Variants in ALS2 observed in about 807,000 individuals in gnomAD.
ALS2 encodes the protein alsin.
In ALS2, 117 loss-of-function variants were observed where a neutral mutation model predicts 203.4. The ratio of observed to expected loss-of-function variants is 0.58; its 90% CI spans 0.50 to 0.67. ALS2 has a LOEUF of 0.67. ALS2 is among the 30% of genes least tolerant of loss of function. ALS2 has a pLI of 0.00. For missense variants in ALS2, 1,715 were observed against 1,989.4 expected, an observed-to-expected ratio of 0.86 and a Z score of 2.62; for synonymous variants, 718 against 725.9, an observed-to-expected ratio of 0.99 and a Z score of 0.17.
Position 201,773,884 on chromosome 2 carries a change from A to G in ALS2, c.-60-4939T>C, listed in dbSNP as rs555708800. ...GGAAAGCACTTCAGGGAGGACGTCA[A>G]TTAGGTCAAGGCAGCTGGGGTCTTG... On this transcript the variant is annotated intron_variant, in intron 1 of 33. Coordinates refer to ENST00000264276, the MANE Select transcript of ALS2 (RefSeq NM_020919.4). Among the ~76,000 whole-genome samples the G allele has an allele frequency of 5.9e-5, 9 of 152,314 alleles. No homozygotes were observed. The South Asian group carries it at 1.9e-3, about 32-fold the overall frequency.
rs891155437 is a variant in ALS2 at position 201,770,238 on chromosome 2, C to T, written c.-60-1293G>A. Among the ~76,000 whole-genome samples, 5 of 152,124 alleles carry T rather than the reference C, an allele frequency of 3.3e-5. 1 individual carries two copies. Among genetic ancestry groups the T allele is most frequent in the South Asian group, 2.1e-4 (1 of 4,820 alleles). ...TAGCGGAAGCCAGAGAATTATTCTACGAGGATGTGGAAGCACACAAGCACA... is the reference window on the plus strand; with the variant it reads ...TAGCGGAAGCCAGAGAATTATTCTATGAGGATGTGGAAGCACACAAGCACA... On this transcript the variant is annotated intron_variant, in intron 1 of 33. Coordinates refer to ENST00000264276, the MANE Select transcript of ALS2 (RefSeq NM_020919.4).
chr2:201,710,101 A>G, intron 26 of ALS2, 63 bp from the exon 27 acceptor site: 2 of 1,570,890 alleles, frequency 1.3e-6, no homozygotes, highest in Non-Finnish European at 1.8e-6. Context: ...CAATCCATCA[A>G]CAAGAAACAA....
intron 25 of ALS2, 78 bp downstream of exon 25, chr2:201,715,594 T>G: frequency 3.3e-6 from 5 of 1,528,332 alleles, no homozygotes; most frequent in South Asian, 2.3e-5. Context: ...TTAAATGTGG[T>G]GAGCCTTGAC....
At position 201,757,519 on chromosome 2, in the gene ALS2, C is replaced by T; in HGVS notation, c.1354G>A (p.Glu452Lys). ...GPEGLKDSRE[E>K]QVKQESMQGK... ...TGCATTGATTCCTGTTTAACCTGTT[C>T]TTCCCTGCTATCTTTCAAACCTTCG... The change falls in exon 5 of 34, where the codon GAA becomes AAA. Residue 452 changes from glutamate to lysine, a missense_variant. Physicochemically the swap from Glu to Lys is moderately conservative, Grantham distance 56 (BLOSUM62 1). Around this residue, in one of 3 missense-constraint regions of ALS2, gnomAD observed 476 missense variants for 539.3 expected, o/e 0.88. Transcript: ENST00000264276. The T allele has an allele frequency of 6.2e-7, 1 of 1,614,110 alleles. No homozygotes were observed. The highest frequency in any genetic ancestry group is 8.5e-7 in the Non-Finnish European group (1 of 1,179,984).
At chr2:201,738,783 G>A in intron 11 of ALS2, 48 bp from the exon 12 acceptor site, 1 of 1,488,088 alleles carries the variant, frequency 6.7e-7, no homozygotes, top group Non-Finnish European at 9.4e-7. Context: ...ATGTAAATTA[G>A]TTCTTCAGTT....
intron 8 of ALS2, among the ~76,000 whole-genome samples, chr2:201,747,718 G>C (rs911264664): frequency 6.6e-6 from 1 of 152,098 alleles, no homozygotes; most frequent in African/African-American, 2.4e-5. Context: ...CAAAGTGCTG[G>C]GATTACGGGC....
At position 201,755,115 on chromosome 2, in the gene ALS2, G is replaced by A. The variant is rs139242767; in HGVS notation, c.1472-444C>T. On this transcript the variant is annotated intron_variant, in intron 5 of 33. Coordinates refer to ENST00000264276, the MANE Select transcript of ALS2 (RefSeq NM_020919.4). The stretch of plus-strand genomic sequence containing the variant: ...TTCTCATTTGAAAACAAAAATTAAC[G>A]AGCCAGGCAAAGTGGCTGTAGTCCT... Among the ~76,000 whole-genome samples, 720 of 152,190 alleles carry A rather than the reference G, an allele frequency of 4.7e-3. 9 individuals are homozygous for A. The highest frequency in any genetic ancestry group is 0.016 in the African/African-American group (679 of 41,528).
At chr2:201,722,358 T>C (rs942185403) in intron 23 of ALS2, 1 of 152,210 alleles carries the variant, frequency 6.6e-6, no homozygotes, top group African/African-American at 2.4e-5. Flanking sequence ...ATGGAGAAAT[T>C]AGTATCCTCA....
chr2:201,776,327 C>G (rs1296651036), intron 1 of ALS2, among the ~76,000 whole-genome samples: 1 of 152,102 alleles, frequency 6.6e-6, no homozygotes, highest in Non-Finnish European at 1.5e-5. Context: ...TGAAACTACA[C>G]TCTCCTGGTT....
At chr2:201,706,796 T>C (rs1460894938) in intron 29 of ALS2, 50 bp downstream of exon 29, 3 of 1,605,478 alleles carry the variant, frequency 1.9e-6, no homozygotes, top group Non-Finnish European at 2.6e-6. Flanking sequence ...TAATGCAGTT[T>C]GCATTTTAAA....
intron 31 of ALS2, 30 bp from the exon 32 acceptor site, chr2:201,704,633 C>A (rs754768570): frequency 3.7e-6 from 6 of 1,613,524 alleles, no homozygotes; most frequent in Non-Finnish European, 5.1e-6. Context: ...AAAAAGACAT[C>A]CTATAATTTT....
At chr2:201,774,032 T>C (rs1392500871) in intron 1 of ALS2, among the ~76,000 whole-genome samples, 1 of 152,038 alleles carries the variant, frequency 6.6e-6, no homozygotes, top group African/African-American at 2.4e-5. Context: ...AAACAGGAGG[T>C]GACAATGTGG....
rs745544432 is a variant in ALS2 at position 201,744,330 on chromosome 2, T to A, written c.2098A>T (p.Thr700Ser). The A allele has an allele frequency of 6.2e-7, 1 of 1,614,102 alleles. No homozygotes were observed. Among genetic ancestry groups the A allele is most frequent in the South Asian group, 1.1e-5 (1 of 91,078 alleles). Residue 700 changes from threonine to serine, a missense_variant, in exon 10 of 34, where the codon ACT becomes TCT. Transcript: ENST00000264276. ...GYIASLHELA[T>S]TERRFYSKLS... ...TTTGAATAGAATCGTCTTTCTGTAG[T>A]AGCTAACTCGTGGAGACTGGCAATA...
intron 4 of ALS2, among the ~76,000 whole-genome samples, chr2:201,758,784 G>GTGTGTGTGTC (rs767192761): frequency 6.6e-6 from 1 of 151,720 alleles, no homozygotes; most frequent in Non-Finnish European, 1.5e-5. Flanking sequence ...GTGTGTGTGT[G>GTGTGTGTGTC]TTTGTTTGTA....
intron 13 of ALS2, among the ~76,000 whole-genome samples, chr2:201,732,347 A>C (rs780931172): frequency 6.7e-6 from 1 of 148,898 alleles, no homozygotes; most frequent in Non-Finnish European, 1.5e-5. Context: ...TGAGGTCAGG[A>C]GTTCGAGGCC....
At chr2:201,725,783 G>A (rs1330952822) in intron 19 of ALS2, among the ~76,000 whole-genome samples, 1 of 152,124 alleles carries the variant, frequency 6.6e-6, no homozygotes, top group Non-Finnish European at 1.5e-5. Context: ...CCTTTATTTG[G>A]ATAATAAGAG....
intron 25 of ALS2, among the ~76,000 whole-genome samples, chr2:201,712,314 G>T (rs892199631): frequency 6.6e-6 from 1 of 152,060 alleles, no homozygotes; most frequent in African/African-American, 2.4e-5. Flanking sequence ...TAATTTCTAT[G>T]TAACTATACT....
rs888931742 is a variant in ALS2 at position 201,726,421 on chromosome 2, A to G, written c.3248+63T>C. 19 of 1,408,584 alleles carry G rather than the reference A, an allele frequency of 1.3e-5. No individual in the cohort carries two copies. The Admixed American group carries it at 2.0e-4, about 15-fold the overall frequency. The allele number at this position is 1,408,584 out of a possible 1,614,324, so 87.3% of individuals were successfully genotyped here. A position where few individuals can be genotyped will look rare whatever the true frequency, so the allele number is the denominator to read the frequency against. On this transcript the variant is annotated intron_variant, in intron 19 of 33. Transcript: ENST00000264276. ...TTTGAAAAGCAGCTCTGCATACAAA[A>G]TAACATAATTTACGACCTTACCGAA...
At chr2:201,725,255 TA>T in intron 20 of ALS2, 100 bp downstream of exon 20, 1 of 924,270 alleles carries the variant, frequency 1.1e-6, no homozygotes, top group Non-Finnish European at 1.8e-6. Flanking sequence ...TCTATAAGAC[TA>T]AACAAAACTT....
Sources: allele counts gnomAD v4.1 joint callset (sites outside exome capture counted in the v4.1 genomes callset), GRCh38; gene constraint gnomAD v4.1.1; regional missense constraint gnomAD v4.1.1; transcripts MANE v1.5; gene names NCBI Gene and HGNC (gene_info 2026-07-23, HGNC 2026-07-21).